AGMO: variants seen among roughly 807,000 people sequenced by gnomAD.
AGMO encodes glyceryl-ether monooxygenase.
A neutral mutation model predicts 60.2 loss-of-function variants in AGMO; 75 were observed. The observed-to-expected ratio is 1.25, with a 90% CI of 1.03 to 1.51. AGMO has a LOEUF of 1.51. AGMO is among the 40% of genes most tolerant of loss of function. The pLI, the probability that AGMO is intolerant of heterozygous loss-of-function variation, is 0.00. For missense variants in AGMO, 763 were observed against 525.5 expected, an observed-to-expected ratio of 1.45 and a Z score of -4.42; for synonymous variants, 261 against 177.1, an observed-to-expected ratio of 1.47 and a Z score of -3.76.
intron 12 of AGMO, among the ~76,000 whole-genome samples, chr7:15,328,083 T>G (rs1198704279): frequency 1.3e-5 from 2 of 151,834 alleles, no homozygotes; most frequent in Non-Finnish European, 2.9e-5. Context: ...GTCAATACAC[T>G]GAGTCCTTCC....
At chr7:15,544,284 A>G (rs1346060516) in intron 3 of AGMO, among the ~76,000 whole-genome samples, 1 of 152,098 alleles carries the variant, frequency 6.6e-6, no homozygotes, top group Non-Finnish European at 1.5e-5. Context: ...TGCTCGGGTG[A>G]TAGGTGCACC....
At chr7:15,385,825 G>C (rs914491644) in intron 9 of AGMO, among the ~76,000 whole-genome samples, 1 of 152,170 alleles carries the variant, frequency 6.6e-6, no homozygotes, top group Non-Finnish European at 1.5e-5. Flanking sequence ...AAATGCATGG[G>C]ATGTATCTTC....
the AGMO span, among the ~76,000 whole-genome samples, chr7:15,132,847 A>T: frequency 6.6e-6 from 1 of 152,162 alleles, no homozygotes; most frequent in Non-Finnish European, 1.5e-5. Context: ...GGGAGTTATT[A>T]CAGCTTATTT....
chr7:15,360,779 A>C (rs1782720603), intron 12 of AGMO, among the ~76,000 whole-genome samples: 1 of 152,176 alleles, frequency 6.6e-6, no homozygotes, highest in Non-Finnish European at 1.5e-5. Context: ...ATTGGATCCA[A>C]AAGCTATAAT....
chr7:15,442,509 C>T (rs565865169), intron 3 of AGMO, among the ~76,000 whole-genome samples: 1 of 152,190 alleles, frequency 6.6e-6, no homozygotes, highest in South Asian at 2.1e-4. Flanking sequence ...CCTTATATTC[C>T]CCAACCTTGA....
intron 3 of AGMO, among the ~76,000 whole-genome samples, chr7:15,443,126 T>C (rs1781605457): frequency 6.6e-6 from 1 of 152,368 alleles, no homozygotes; most frequent in Middle Eastern, 3.4e-3. Context: ...GTTCCAATTC[T>C]TCTGGTACAC....
chr7:15,392,831 C>CAAAA (rs1784206815), intron 6 of AGMO, among the ~76,000 whole-genome samples: 3 of 136,046 alleles, frequency 2.2e-5, no homozygotes, highest in Admixed American at 1.4e-4. Context: ...AACAAACAAA[C>CAAAA]AACTTTAAAT....
intron 3 of AGMO, among the ~76,000 whole-genome samples, chr7:15,446,822 C>G (rs1781710753): frequency 6.6e-6 from 1 of 152,112 alleles, no homozygotes; most frequent in African/African-American, 2.4e-5. Context: ...TCTGGGCTGT[C>G]TTTAAGGAAA....
At position 15,383,803 on chromosome 7, in the gene AGMO, G is replaced by A. The variant is rs142968537; in HGVS notation, c.1074+1643C>T. Among the ~76,000 whole-genome samples, 14 of 151,632 alleles carry A rather than the reference G, an allele frequency of 9.2e-5. No individual in the cohort carries two copies. In the East Asian group the frequency reaches 2.3e-3, roughly 25 times the overall value. ...CTTTATTCATTTAGGTTTTTTTCCC[G>A]GATTGTTGTATTTTTCTTTTTAGGC... is the stretch of plus-strand genomic sequence containing the variant. On this transcript the variant is annotated intron_variant, in intron 10 of 12. Coordinates refer to ENST00000342526, the MANE Select transcript of AGMO (RefSeq NM_001004320.2).
intron 10 of AGMO, among the ~76,000 whole-genome samples, chr7:15,370,366 G>C (rs1783159305): frequency 1.3e-5 from 2 of 152,142 alleles, no homozygotes; most frequent in Non-Finnish European, 2.9e-5. Context: ...ATGAACATGA[G>C]TGCATGTGTC....
At chr7:15,206,866 G>C (rs1052496989) in intron 12 of AGMO, among the ~76,000 whole-genome samples, 5 of 152,108 alleles carry the variant, frequency 3.3e-5, no homozygotes, top group African/African-American at 1.2e-4. Flanking sequence ...GGAAACATCA[G>C]ATTTTCACTA....
chr7:15,160,118 AGAG>A, the AGMO span, among the ~76,000 whole-genome samples: 1 of 152,210 alleles, frequency 6.6e-6, no homozygotes. Flanking sequence ...TGCTAGAAGA[AGAG>A]GACTTCTCAT....
chr7:15,536,092 G>A (rs1164317520), intron 3 of AGMO, among the ~76,000 whole-genome samples: 1 of 151,642 alleles, frequency 6.6e-6, no homozygotes, highest in East Asian at 1.9e-4. Context: ...CAATAACAGT[G>A]GTAATATTTA....
intron 12 of AGMO, among the ~76,000 whole-genome samples, chr7:15,276,463 G>T (rs548488861): frequency 1.3e-5 from 2 of 152,034 alleles, no homozygotes; most frequent in Admixed American, 1.3e-4. Context: ...CTGCTTTTAA[G>T]ATTTTTTTTC....
intron 12 of AGMO, among the ~76,000 whole-genome samples, chr7:15,264,222 C>T (rs1313400966): frequency 5.3e-5 from 8 of 151,654 alleles, no homozygotes; most frequent in African/African-American, 1.9e-4. Flanking sequence ...TATTCATTTT[C>T]AAATAATTTT....
At chr7:15,447,748 T>A (rs1490162120) in intron 3 of AGMO, among the ~76,000 whole-genome samples, 1 of 152,136 alleles carries the variant, frequency 6.6e-6, no homozygotes, top group South Asian at 2.1e-4. Context: ...AGACAGGGTT[T>A]CGCCATGTTG....
chr7:15,129,114 A>C, the AGMO span, among the ~76,000 whole-genome samples: 1 of 151,972 alleles, frequency 6.6e-6, no homozygotes, highest in Non-Finnish European at 1.5e-5. Context: ...CAGGTAAGAG[A>C]GGGGGAAAGG....
chr7:15,523,487 G>C (rs1423391351), intron 3 of AGMO, among the ~76,000 whole-genome samples: 2 of 152,124 alleles, frequency 1.3e-5, no homozygotes, highest in East Asian at 3.9e-4. Flanking sequence ...ATACACCATG[G>C]AATACTATGC....
rs192914928 is a variant in AGMO at position 15,263,372 on chromosome 7, C to A, written c.1264-62013G>T. Among the ~76,000 whole-genome samples, 157 of 151,492 alleles carry A rather than the reference C, an allele frequency of 1.0e-3. 1 individual carries two copies. The highest frequency in any genetic ancestry group is 3.7e-3 in the African/African-American group (152 of 41,234). On this transcript the variant is annotated intron_variant, in intron 12 of 12. Coordinates refer to ENST00000342526, the MANE Select transcript of AGMO (RefSeq NM_001004320.2). ...AAGAGGGAAATGCAAACCAAAACCA[C>A]AATGCGATAACACCTCACTCCTGCA...
Sources: allele counts gnomAD v4.1 joint callset (sites outside exome capture counted in the v4.1 genomes callset), GRCh38; gene constraint gnomAD v4.1.1; transcripts MANE v1.5; gene names NCBI Gene and HGNC (gene_info 2026-07-23, HGNC 2026-07-21).